TEX11: variants seen among roughly 807,000 people sequenced by gnomAD.
TEX11 encodes the protein testis expressed 11.
A neutral mutation model predicts 84.4 loss-of-function variants in TEX11; 7 were observed. That is an observed-to-expected ratio of 0.08 (90% CI 0.05 to 0.16). The LOEUF is 0.16. Ranked by LOEUF, TEX11 falls within the 10% of genes least tolerant of loss-of-function variation. The pLI is 1.00. For missense variants in TEX11, 551 were observed against 660.5 expected (o/e 0.83, Z 1.82); for synonymous variants, 264 against 222.8 (o/e 1.18, Z -1.64).
At chrX:70,780,829 G>A (rs962619881) in intron 9 of TEX11, among the ~76,000 whole-genome samples, 1 of 112,476 alleles carries the variant, frequency 8.9e-6, no homozygotes, top group African/African-American at 3.2e-5. Context: ...GGAGCCCACC[G>A]CAGCTCAGCA....
intron 3 of TEX11, among the ~76,000 whole-genome samples, chrX:70,874,395 CTTT>C (rs34210812): frequency 2.1e-5 from 1 of 48,066 alleles, no homozygotes; most frequent in Non-Finnish European, 3.6e-5. Context: ...TGATGACTTC[CTTT>C]TTTTTTTTTT....
intron 7 of TEX11, among the ~76,000 whole-genome samples, chrX:70,838,185 G>A (rs1415379763): frequency 2.7e-5 from 3 of 111,903 alleles, no homozygotes; most frequent in East Asian, 2.8e-4. Context: ...TTGGGAGGCC[G>A]AGGTGGGTGG....
rs745514352 is a variant in TEX11 at position 70,858,045 on chromosome X, G to A, written c.324+2812C>T. 5.5e-5 allele frequency among the ~76,000 whole-genome samples: 6 copies of A among 110,025 alleles called. No homozygotes were observed. The South Asian group carries it at 1.9e-3, about 36-fold the overall frequency. On this transcript the variant is annotated intron_variant, in intron 5 of 29. Transcript: ENST00000374333. ...ATAAAAATGATACAATGGACTTTGG[G>A]GATTTGGAGGGAAGAGTGGGAGGGG...
intron 16 of TEX11, among the ~76,000 whole-genome samples, chrX:70,667,880 T>C: frequency 9.1e-6 from 1 of 109,366 alleles, no homozygotes; most frequent in Non-Finnish European, 1.9e-5. Context: ...TGAGCTGAGA[T>C]AGCACCATTG....
At chrX:70,805,294 A>G (rs1265894746) in intron 9 of TEX11, among the ~76,000 whole-genome samples, 1 of 111,597 alleles carries the variant, frequency 9.0e-6, no homozygotes, top group East Asian at 2.8e-4. Context: ...AAGTTAGACT[A>G]TAGTTAATCA....
intron 25 of TEX11, among the ~76,000 whole-genome samples, chrX:70,589,226 C>T: frequency 9.1e-6 from 1 of 109,760 alleles, no homozygotes; most frequent in South Asian, 3.9e-4. Flanking sequence ...TTCCTTCATT[C>T]TGATATTAGT....
rs55903537 is a variant in TEX11, at chrX:70,851,666, T to TACACACACACACACACACAC, written c.525+1348_525+1367dup. Among the ~76,000 whole-genome samples, 8 of 92,013 alleles carry TACACACACACACACACACAC rather than the reference T, an allele frequency of 8.7e-5. No individual in the cohort carries two copies. The East Asian group carries it at 2.1e-3, about 25-fold the overall frequency. 79.9% of individuals were successfully genotyped at this position (92,013 alleles called of 115,157 possible). ...TATATACCAAAGAAAATTAAAAACA[T>TACACACACACACACACACAC]ACACACACACACACACACACACACA... On this transcript the variant is annotated intron_variant, in intron 7 of 29. Transcript: ENST00000374333.
chrX:70,877,589 A>G (rs1490420437), intron 3 of TEX11, among the ~76,000 whole-genome samples: 1 of 112,097 alleles, frequency 8.9e-6, no homozygotes, highest in Non-Finnish European at 1.9e-5. Flanking sequence ...CAATGCTCAT[A>G]GCAACATTAT....
intron 13 of TEX11, among the ~76,000 whole-genome samples, chrX:70,707,649 A>C (rs1478281302): frequency 9.0e-6 from 1 of 111,625 alleles, no homozygotes; most frequent in Non-Finnish European, 1.9e-5. Context: ...ATATATGCTT[A>C]ATTTATTATA....
At chrX:70,856,018 T>A (rs1201684202) in intron 5 of TEX11, among the ~76,000 whole-genome samples, 1 of 111,647 alleles carries the variant, frequency 9.0e-6, no homozygotes, top group Non-Finnish European at 1.9e-5. Context: ...AGCATATGAC[T>A]AAGATACATA....
intron 7 of TEX11, among the ~76,000 whole-genome samples, chrX:70,841,806 C>A (rs2091446412): frequency 1.8e-5 from 2 of 111,282 alleles, no homozygotes; most frequent in African/African-American, 6.5e-5. Context: ...GATATCACCA[C>A]CGATCCCACA....
chrX:70,874,529 G>A (rs1441083945), intron 3 of TEX11, among the ~76,000 whole-genome samples: 4 of 103,277 alleles, frequency 3.9e-5, no homozygotes, highest in Non-Finnish European at 7.8e-5. Flanking sequence ...AGCCTCCCAA[G>A]TAGCTGGGAT....
At chrX:70,726,674 G>A (rs1170101695) in intron 11 of TEX11, among the ~76,000 whole-genome samples, 1 of 109,724 alleles carries the variant, frequency 9.1e-6, no homozygotes, top group Non-Finnish European at 1.9e-5. Context: ...GGGATTACAG[G>A]TACACTCTAC....
intron 9 of TEX11, among the ~76,000 whole-genome samples, chrX:70,757,062 G>A (rs1016352430): frequency 8.9e-6 from 1 of 111,986 alleles, no homozygotes; most frequent in Non-Finnish European, 1.9e-5. Context: ...AGAAAACAAA[G>A]TTAGAGAGAA....
Position 70,554,780 on chromosome X carries a change from A to T in TEX11, c.2161T>A (p.Cys721Ser). Residue 721 changes from cysteine (C) to serine (S), a missense_variant, in exon 26 of 30, where the codon TGT becomes AGT. Coordinates refer to ENST00000374333, the MANE Select transcript of TEX11 (RefSeq NM_031276.3). Reference protein sequence around the residue: ...KQTGTFSNDSCEKLLLLYEFE... With the variant: ...KQTGTFSNDSSEKLLLLYEFE... ...TCGTACAGCAGAAGCAATTTCTCAC[A>T]TGAATCATTTGAGAAGGTCCCTAAG... 1 of 1,206,479 alleles carries T rather than the reference A, an allele frequency of 8.3e-7. No homozygotes were observed. Among genetic ancestry groups the T allele is most frequent in the Non-Finnish European group, 1.1e-6 (1 of 893,553 alleles).
At chrX:70,839,545 C>A (rs112445638) in intron 7 of TEX11, among the ~76,000 whole-genome samples, 1 of 111,633 alleles carries the variant, frequency 9.0e-6, no homozygotes, top group African/African-American at 3.3e-5. Flanking sequence ...GGGAAAAAAA[C>A]AGAGCAGAAA....
chrX:70,875,698 C>T (rs1327744826), intron 3 of TEX11, among the ~76,000 whole-genome samples: 4 of 110,395 alleles, frequency 3.6e-5, no homozygotes, highest in Admixed American at 9.7e-5. Flanking sequence ...TGCAGTGAGC[C>T]GAGATCGTGC....
At chrX:70,844,212 A>G (rs1166727907) in intron 7 of TEX11, among the ~76,000 whole-genome samples, 1 of 110,573 alleles carries the variant, frequency 9.0e-6, no homozygotes, top group African/African-American at 3.3e-5. Context: ...GAAGCAACCT[A>G]AATGTCCAAT....
At chrX:70,620,798 C>T (rs139597828) in intron 20 of TEX11, among the ~76,000 whole-genome samples, 87 of 111,711 alleles carry the variant, frequency 7.8e-4, no homozygotes, top group African/African-American at 2.6e-3. Flanking sequence ...CATGGAGGAA[C>T]CTTAAATGCA....
Sources: gnomAD v4.1 joint callset for allele counts (sites outside exome capture counted in the v4.1 genomes callset) on GRCh38, gnomAD v4.1.1 for gene constraint, MANE v1.5 for transcripts, NCBI Gene and HGNC (gene_info 2026-07-23, HGNC 2026-07-21) for gene names.